The following PCDHA5 variants were observed in gnomAD, a reference collection of about 807,000 sequenced individuals.
PCDHA5 encodes protocadherin alpha 5.
In PCDHA5, 43 loss-of-function variants were observed where a neutral mutation model predicts 61.6. The ratio of observed to expected loss-of-function variants is 0.70; its 90% CI spans 0.55 to 0.90. The LOEUF (loss-of-function observed/expected upper bound fraction) is 0.90, where lower values mean the gene tolerates loss of function less well. Among genes scored for constraint, PCDHA5 ranks in the 40% least tolerant of loss-of-function variants. The pLI is 0.00. For missense variants in PCDHA5, 1,298 were observed against 1,222.7 expected (o/e 1.06, Z -0.92); for synonymous variants, 627 against 543.9 (o/e 1.15, Z -2.13).
At position 140,870,217 on chromosome 5, in the gene PCDHA5, A is replaced by G. The variant is rs911086777; in HGVS notation, c.2352+46090A>G. On this transcript the variant is annotated intron_variant, in intron 1 of 3. Coordinates refer to ENST00000529859, the MANE Select transcript of PCDHA5 (RefSeq NM_018908.3). ...GCCCAGCACGGTCATTGCCCTGATC[A>G]GCGTGTCTGACCGTGACTCAGGTGT... The G allele has an allele frequency of 5.6e-6, 9 of 1,614,144 alleles. No individual in the cohort carries two copies. The highest frequency in any genetic ancestry group is 3.3e-5 in the Admixed American group (2 of 60,034).
chr5:140,900,030 G>A (rs1159979332), intron 1 of PCDHA5, among the ~76,000 whole-genome samples: 1 of 152,086 alleles, frequency 6.6e-6, no homozygotes, highest in Admixed American at 6.6e-5. Context: ...GTTTGGCCTT[G>A]AATTCCTGGG....
At chr5:140,968,464 C>G (rs1554230763) in intron 1 of PCDHA5, 1 of 1,614,114 alleles carries the variant, frequency 6.2e-7, no homozygotes, top group Non-Finnish European at 8.5e-7. Flanking sequence ...TGACTGCCAA[C>G]GTATATGTGG....
chr5:140,884,057 G>A (rs141156800), intron 1 of PCDHA5: 6 of 1,613,540 alleles, frequency 3.7e-6, no homozygotes, highest in Non-Finnish European at 5.1e-6. Context: ...GGTGCGCGCG[G>A]TGGACGCCGA....
At position 140,843,683 on chromosome 5, in the gene PCDHA5, G is replaced by C. The variant is rs2150364990; in HGVS notation, c.2352+19556G>C. ...TCTGGGATCAGTTGATGTAGGCGAA[G>C]AGCAAGATTTAAATGTTGATCATGG... On this transcript the variant is annotated intron_variant, in intron 1 of 3. Coordinates refer to ENST00000529859, the MANE Select transcript of PCDHA5 (RefSeq NM_018908.3). 1.7e-5 allele frequency: 27 copies of C among 1,589,836 alleles called. 2 individuals are homozygous for C. The highest frequency in any genetic ancestry group is 1.7e-4 in the Middle Eastern group (1 of 6,012).
intron 1 of PCDHA5, among the ~76,000 whole-genome samples, chr5:140,894,384 T>A (rs1554186071): frequency 6.6e-6 from 1 of 152,046 alleles, no homozygotes; most frequent in Admixed American, 6.5e-5. Flanking sequence ...ATTATATTTG[T>A]ATTAGATATT....
chr5:141,008,642 T>C (rs1554261860), intron 3 of PCDHA5, among the ~76,000 whole-genome samples: 1 of 152,212 alleles, frequency 6.6e-6, no homozygotes, highest in Non-Finnish European at 1.5e-5. Flanking sequence ...AACAATTTCT[T>C]CTTCTGGAGT....
intron 3 of PCDHA5, among the ~76,000 whole-genome samples, chr5:140,987,991 T>C (rs1243117535): frequency 6.6e-6 from 1 of 152,232 alleles, no homozygotes; most frequent in Non-Finnish European, 1.5e-5. Context: ...ACTCCATCTC[T>C]GATCCTTCCC....
intron 1 of PCDHA5, among the ~76,000 whole-genome samples, chr5:140,963,268 T>C (rs1329086504): frequency 6.6e-6 from 1 of 152,042 alleles, no homozygotes; most frequent in African/African-American, 2.4e-5. Flanking sequence ...GACTTTGAAA[T>C]GTATGTAAGA....
intron 1 of PCDHA5, among the ~76,000 whole-genome samples, chr5:140,921,683 C>T (rs1554200360): frequency 6.6e-6 from 1 of 152,154 alleles, no homozygotes; most frequent in East Asian, 1.9e-4. Flanking sequence ...TCATCAAACA[C>T]TGGCCACCTC....
chr5:140,990,184 A>G lies in PCDHA5; in HGVS notation c.2500+7621A>G, dbSNP rs1230599539. 1.3e-5 allele frequency among the ~76,000 whole-genome samples: 2 copies of G among 152,158 alleles called. 1 individual carries two copies. The highest frequency in any genetic ancestry group is 2.9e-5 in the Non-Finnish European group (2 of 68,034). ...GGGTATGAAAAGGTGACTTTTAAGA[A>G]CCAAATGTGGACCCGAAAGAGAACA... is the stretch of plus-strand genomic sequence containing the variant. On this transcript the variant is annotated intron_variant, in intron 3 of 3. Transcript: ENST00000529859.
chr5:140,928,902 C>T, intron 1 of PCDHA5: 1 of 1,614,164 alleles, frequency 6.2e-7, no homozygotes, highest in Non-Finnish European at 8.5e-7. Flanking sequence ...TTGAAGATGT[C>T]TGGGAACCAG....
intron 1 of PCDHA5, among the ~76,000 whole-genome samples, chr5:140,959,089 C>T (rs150796442): frequency 0.023 from 3,565 of 152,100 alleles, 49 homozygotes; most frequent in Middle Eastern, 0.034. Context: ...TCCTTGGTTT[C>T]GGACATTCAG....
intron 1 of PCDHA5, among the ~76,000 whole-genome samples, chr5:140,932,822 A>G (rs1191525374): frequency 6.6e-6 from 1 of 151,946 alleles, no homozygotes; most frequent in Non-Finnish European, 1.5e-5. Context: ...ATAAGTGGGA[A>G]AGTATTGACA....
intron 1 of PCDHA5, chr5:140,862,721 C>T (rs1019011354): frequency 3.5e-6 from 2 of 566,878 alleles, no homozygotes; most frequent in Admixed American, 3.8e-5. Context: ...GGCGAGTGCG[C>T]GCTGTCTAGC....
Position 140,823,866 on chromosome 5 carries a change from G to A in PCDHA5, c.2091G>A (p.Val697=), listed in dbSNP as rs2150129869. Residue 697 remains valine, a synonymous_variant, in exon 1 of 4, where the codon GTG becomes GTA. Coordinates refer to ENST00000529859, the MANE Select transcript of PCDHA5 (RefSeq NM_018908.3). ...AGGCTGCCCTGGTGGATGTCAACGTGTACCTGATCATCGCCATCTGTGCGG... is the reference window on the plus strand; with the variant it reads ...AGGCTGCCCTGGTGGATGTCAACGTATACCTGATCATCGCCATCTGTGCGG... The part of the protein sequence containing the change: ...GPEAALVDVN[V]YLIIAICAVS... The A allele has an allele frequency of 2.5e-6, 4 of 1,613,776 alleles. No homozygotes were observed. Among genetic ancestry groups the A allele is most frequent in the African/African-American group, 1.3e-5 (1 of 74,930 alleles).
At chr5:140,962,223 A>G (rs951247075) in intron 1 of PCDHA5, among the ~76,000 whole-genome samples, 8 of 152,160 alleles carry the variant, frequency 5.3e-5, no homozygotes, top group Admixed American at 3.9e-4. Flanking sequence ...CTTGAGGTTC[A>G]AGTTTCACTT....
chr5:140,823,562 T>C lies in PCDHA5; in HGVS notation c.1787T>C (p.Val596Ala), dbSNP rs2150126936. The C allele has an allele frequency of 6.2e-7, 1 of 1,613,920 alleles. No individual in the cohort carries two copies. Among genetic ancestry groups the C allele is most frequent in the Non-Finnish European group, 8.5e-7 (1 of 1,179,912 alleles). ...CACGTGGTGGCGAAGGTGCGCGCAGTGGACCCTGATTCGGGCTACAACGCT... is the reference window on the plus strand; with the variant it reads ...CACGTGGTGGCGAAGGTGCGCGCAGCGGACCCTGATTCGGGCTACAACGCT... ...AGHVVAKVRA[V>A]DPDSGYNAWL... Residue 596 changes from valine (V) to alanine (A), a missense_variant, in exon 1 of 4, where the codon GTG (valine) becomes GCG (alanine). Transcript: ENST00000529859.
chr5:141,009,374 G>C (rs567366098), intron 3 of PCDHA5, among the ~76,000 whole-genome samples: 1 of 152,216 alleles, frequency 6.6e-6, no homozygotes, highest in African/African-American at 2.4e-5. Context: ...TGGGAGGATT[G>C]ATTGAGCACA....
At chr5:140,836,291 C>G (rs1774343401) in intron 1 of PCDHA5, 2 of 1,613,720 alleles carry the variant, frequency 1.2e-6, no homozygotes. Context: ...CGACACGAGC[C>G]CTAGATGAGA....
Sources: allele counts gnomAD v4.1 joint callset (sites outside exome capture counted in the v4.1 genomes callset), GRCh38; gene constraint gnomAD v4.1.1; transcripts MANE v1.5; gene names NCBI Gene and HGNC (gene_info 2026-07-23, HGNC 2026-07-21).